The following TMTC2 variants were observed in gnomAD, a reference collection of about 807,000 sequenced individuals.
The protein encoded by TMTC2 is transmembrane O-mannosyltransferase targeting cadherins 2.
TMTC2 carries 43 observed loss-of-function variants against 82.4 expected under a neutral mutation model. The ratio of observed to expected loss-of-function variants is 0.52; its 90% confidence interval spans 0.41 to 0.67. TMTC2 has a LOEUF of 0.67. Among genes scored for constraint, TMTC2 ranks in the 30% least tolerant of loss-of-function variants. The pLI is 0.00. For synonymous variants in TMTC2, 408 were observed against 381.9 expected, an observed-to-expected ratio of 1.07 and a Z score of -0.80; for missense variants, 919 against 1,012.4, an observed-to-expected ratio of 0.91 and a Z score of 1.25.
chr12:82,952,049 CT>C (rs1877377537), intron 4 of TMTC2, among the ~76,000 whole-genome samples: 1 of 152,150 alleles, frequency 6.6e-6, no homozygotes, highest in African/African-American at 2.4e-5. Context: ...GAAACTATAG[CT>C]TTGTCTCTGG....
chr12:82,970,493 G>A (rs895185792), intron 7 of TMTC2, among the ~76,000 whole-genome samples: 16 of 134,482 alleles, frequency 1.2e-4, no homozygotes, highest in Non-Finnish European at 1.9e-4. Context: ...CACCGCGCCC[G>A]GCTAATTTTT....
At chr12:82,779,452 C>T (rs1005797785) in intron 1 of TMTC2, among the ~76,000 whole-genome samples, 51 of 152,150 alleles carry the variant, frequency 3.4e-4, no homozygotes, top group African/African-American at 1.2e-3. Flanking sequence ...CACAGCTGTA[C>T]ATTGTAAAAC....
At chr12:82,845,609 A>T (rs1870617642) in intron 1 of TMTC2, among the ~76,000 whole-genome samples, 1 of 152,136 alleles carries the variant, frequency 6.6e-6, no homozygotes, top group East Asian at 1.9e-4. Flanking sequence ...GGTGAGAAGG[A>T]GGTGAGGTGT....
At chr12:82,767,083 A>T (rs1877006570) in intron 1 of TMTC2, among the ~76,000 whole-genome samples, 1 of 152,184 alleles carries the variant, frequency 6.6e-6, no homozygotes, top group Admixed American at 6.5e-5. Context: ...ACATACAAAC[A>T]TGTGAGGGCT....
At chr12:82,945,127 C>G (rs755355087) in intron 4 of TMTC2, among the ~76,000 whole-genome samples, 3 of 152,162 alleles carry the variant, frequency 2.0e-5, no homozygotes, top group Non-Finnish European at 4.4e-5. Context: ...AACTATTAAG[C>G]CTTGCACTCC....
chr12:83,038,291 A>AAT (rs545858760), intron 9 of TMTC2, among the ~76,000 whole-genome samples: 45 of 151,806 alleles, frequency 3.0e-4, no homozygotes, highest in Admixed American at 5.9e-4. Context: ...GTATAATAAA[A>AAT]ATATATATAT....
chr12:82,724,668 C>T (rs868280516), intron 1 of TMTC2, among the ~76,000 whole-genome samples: 13 of 152,174 alleles, frequency 8.5e-5, no homozygotes, highest in Middle Eastern at 3.4e-3. Flanking sequence ...TGTGTGAAAA[C>T]GGACTAATAC....
chr12:82,996,519 T>G (rs963403586), intron 8 of TMTC2, among the ~76,000 whole-genome samples: 2 of 152,224 alleles, frequency 1.3e-5, no homozygotes, highest in African/African-American at 4.8e-5. Flanking sequence ...AGTGACAGGA[T>G]GAGGTACATT....
intron 10 of TMTC2, among the ~76,000 whole-genome samples, chr12:83,056,216 G>T (rs1460048074): frequency 6.6e-6 from 1 of 151,984 alleles, no homozygotes; most frequent in Non-Finnish European, 1.5e-5. Flanking sequence ...TTCTCAAAGA[G>T]ATATTAACAT....
chr12:83,053,646 C>A (rs928314421), intron 10 of TMTC2, among the ~76,000 whole-genome samples: 1 of 152,040 alleles, frequency 6.6e-6, no homozygotes, highest in Admixed American at 6.6e-5. Flanking sequence ...CTGGGACCTT[C>A]AAGAGGTTTG....
chr12:82,737,427 G>A (rs1875182331), intron 1 of TMTC2, among the ~76,000 whole-genome samples: 1 of 152,120 alleles, frequency 6.6e-6, no homozygotes. Flanking sequence ...TATATTCAAA[G>A]CATCTGTCTT....
At chr12:82,696,335 GA>G (rs1007147984) in intron 1 of TMTC2, among the ~76,000 whole-genome samples, 16 of 151,368 alleles carry the variant, frequency 1.1e-4, no homozygotes, top group African/African-American at 1.7e-4. Flanking sequence ...TCTAGTGAAA[GA>G]AAAAAAATAT....
intron 8 of TMTC2, among the ~76,000 whole-genome samples, chr12:82,991,355 C>A (rs1241036467): frequency 6.6e-6 from 1 of 152,018 alleles, no homozygotes; most frequent in Non-Finnish European, 1.5e-5. Context: ...CTACTTATTC[C>A]CCCATCCTCT....
At chr12:83,016,357 T>G (rs1880680211) in intron 8 of TMTC2, among the ~76,000 whole-genome samples, 1 of 152,248 alleles carries the variant, frequency 6.6e-6, no homozygotes, top group South Asian at 2.1e-4. Context: ...CCTCCATCTG[T>G]GAGTCAGCGT....
Position 82,925,810 on chromosome 12 carries a change from A to T in TMTC2, c.1484-4621A>T, listed in dbSNP as rs558280558. Among the ~76,000 whole-genome samples the T allele has an allele frequency of 1.7e-4, 26 of 152,250 alleles. No homozygotes were observed. In the South Asian group the frequency reaches 5.2e-3, roughly 30 times the overall value. On this transcript the variant is annotated intron_variant, in intron 3 of 11. Coordinates refer to ENST00000321196, the MANE Select transcript of TMTC2 (RefSeq NM_152588.3). ...GCAACCCTATTCCTTGAGACAAAAA[A>T]AATATTGAAATTAGGCTAATTTTCC...
intron 1 of TMTC2, among the ~76,000 whole-genome samples, chr12:82,802,642 A>G (rs1172712207): frequency 1.3e-5 from 2 of 152,154 alleles, no homozygotes; most frequent in Non-Finnish European, 2.9e-5. Context: ...ATTTTGACAA[A>G]ATAGGGTAAA....
At chr12:82,830,634 A>T (rs376751789) in intron 1 of TMTC2, among the ~76,000 whole-genome samples, 1 of 152,256 alleles carries the variant, frequency 6.6e-6, no homozygotes, top group South Asian at 2.1e-4. Context: ...TATTTGGAAG[A>T]CCAAGCAATA....
chr12:82,976,885 C>T (rs1028590393), intron 7 of TMTC2, among the ~76,000 whole-genome samples: 17 of 152,002 alleles, frequency 1.1e-4, no homozygotes, highest in African/African-American at 3.6e-4. Context: ...GGGCATACTT[C>T]GTAAAAAAAT....
chr12:83,070,438 T>TG (rs1883069353), intron 11 of TMTC2, among the ~76,000 whole-genome samples: 1 of 152,056 alleles, frequency 6.6e-6, no homozygotes, highest in Non-Finnish European at 1.5e-5. Flanking sequence ...TTTTATTATT[T>TG]TTTTTTTTGC....
Sources: allele counts gnomAD v4.1 joint callset (sites outside exome capture counted in the v4.1 genomes callset), GRCh38; gene constraint gnomAD v4.1.1; transcripts MANE v1.5; gene names NCBI Gene and HGNC (gene_info 2026-07-23, HGNC 2026-07-21).